Variants in CXADR observed in about 807,000 individuals in gnomAD.
The protein encoded by CXADR is coxsackievirus and adenovirus receptor.
CXADR carries 20 observed loss-of-function variants against 40.3 expected under a neutral mutation model. The observed-to-expected ratio is 0.50, with a 90% confidence interval of 0.35 to 0.72. The LOEUF is 0.72. CXADR is among the 30% of genes least tolerant of loss of function. The pLI is 0.01. For missense variants in CXADR, 332 were observed against 449.1 expected (o/e 0.74, Z 2.36); for synonymous variants, 150 against 161.3 (o/e 0.93, Z 0.53).
intron 1 of CXADR, among the ~76,000 whole-genome samples, chr21:17,533,778 G>A (rs1025928162): frequency 6.6e-6 from 1 of 151,792 alleles, no homozygotes; most frequent in Non-Finnish European, 1.5e-5. Flanking sequence ...ATTTCTCATT[G>A]GGGATAGGGA....
chr21:17,616,280 T>C, the CXADR span, among the ~76,000 whole-genome samples: 1 of 150,254 alleles, frequency 6.7e-6, no homozygotes, highest in South Asian at 2.1e-4. Context: ...AAAAAAACAG[T>C]CTTGGGTACC....
At chr21:17,561,008 A>G (rs2061111210) in intron 5 of CXADR, among the ~76,000 whole-genome samples, 184 bp downstream of exon 5, 1 of 152,208 alleles carries the variant, frequency 6.6e-6, no homozygotes, top group Admixed American at 6.5e-5. Flanking sequence ...TTGCAATGAT[A>G]TATTAAGAAG....
the CXADR span, among the ~76,000 whole-genome samples, chr21:17,632,233 C>A: frequency 1.3e-5 from 2 of 152,116 alleles, no homozygotes; most frequent in Admixed American, 6.5e-5. Flanking sequence ...GTGGACCATT[C>A]GCAGTTGACA....
At chr21:17,553,614 CTTTTT>C (rs10710377) in intron 3 of CXADR, among the ~76,000 whole-genome samples, 1 of 128,288 alleles carries the variant, frequency 7.8e-6, no homozygotes, top group African/African-American at 2.7e-5. Context: ...GGTCCGAATT[CTTTTT>C]TTTTTTTTTT....
At position 17,547,164 on chromosome 21, in the gene CXADR, C is replaced by G; in HGVS notation, c.181C>G (p.Pro61Ala). 6.2e-7 allele frequency: 1 copy of G among 1,614,180 alleles called. No homozygotes were observed. Among genetic ancestry groups the G allele is most frequent in the Non-Finnish European group, 8.5e-7 (1 of 1,180,036 alleles). The change falls in exon 2 of 7, where the codon CCA (proline) becomes GCA (alanine). Residue 61 changes from proline to alanine, a missense_variant. By Grantham distance (27) the Pro-to-Ala change is conservative. Transcript: ENST00000284878. ...GPLDIEWLIS[P>A]ADNQKVDQVI... is the part of the protein sequence containing the mutation. ...GCTGGACATCGAGTGGCTGATATCA[C>G]CAGCTGATAATCAGAAGGTGGATCA...
rs1302700382 is a variant in CXADR at position 17,569,888 on chromosome 21, T to C, written c.*4196T>C. ...CCTAATTGTGAATTTTAGTGATAAA[T>C]ACACCTGTACTACTGAGGAAAATAT... is the stretch of plus-strand genomic sequence containing the variant. On this transcript the variant is annotated 3_prime_UTR_variant, in exon 7 of 7. Coordinates refer to ENST00000284878, the MANE Select transcript of CXADR (RefSeq NM_001338.5). 7 of 985,126 alleles carry C rather than the reference T, an allele frequency of 7.1e-6. No homozygotes were observed. Among genetic ancestry groups the C allele is most frequent in the African/African-American group, 1.7e-5 (1 of 57,226 alleles). 61.0% of individuals were successfully genotyped at this position (985,126 alleles called of 1,614,324 possible). A position where few individuals can be genotyped will look rare whatever the true frequency, so the allele number is the denominator to read the frequency against.
the CXADR span, chr21:17,604,217 C>A: frequency 1.2e-6 from 1 of 810,732 alleles, no homozygotes. Flanking sequence ...CCAAGGCGGG[C>A]GGATCACGAG....
the CXADR span, among the ~76,000 whole-genome samples, chr21:17,632,321 G>C: frequency 8.0e-6 from 1 of 125,740 alleles, no homozygotes; most frequent in Admixed American, 7.6e-5. Flanking sequence ...AAATGTCTGT[G>C]AAAAACAAAG....
intron 3 of CXADR, among the ~76,000 whole-genome samples, chr21:17,555,020 C>G (rs2061016263): frequency 2.0e-5 from 3 of 152,176 alleles, no homozygotes; most frequent in Non-Finnish European, 4.4e-5. Flanking sequence ...CCGTGCCTGC[C>G]TTGCTCTTTC....
At chr21:17,605,109 C>T in the CXADR span, 7 of 1,222,778 alleles carry the variant, frequency 5.7e-6, no homozygotes, top group South Asian at 9.3e-5. Flanking sequence ...AAAAAATACC[C>T]TGGTAGAGAA....
At chr21:17,625,823 A>G in the CXADR span, among the ~76,000 whole-genome samples, 1 of 152,124 alleles carries the variant, frequency 6.6e-6, no homozygotes, top group Non-Finnish European at 1.5e-5. Flanking sequence ...CAGAGTTACT[A>G]TTTCTTCTTT....
rs1569137561 is a variant in CXADR at position 17,565,919 on chromosome 21, T to G, written c.*227T>G. ...TTTACCATCTGAAAAAGCTGGATTT[T>G]CTTTAAGAGGTTGATTATAAAGTTT... On this transcript the variant is annotated 3_prime_UTR_variant, in exon 7 of 7. Coordinates refer to ENST00000284878, the MANE Select transcript of CXADR (RefSeq NM_001338.5). 1.6e-6 allele frequency: 2 copies of G among 1,212,936 alleles called. No homozygotes were observed. The highest frequency in any genetic ancestry group is 3.1e-5 in the African/African-American group (2 of 64,278). 75.1% of individuals were successfully genotyped at this position (1,212,936 alleles called of 1,614,324 possible).
chr21:17,599,356 C>A, the CXADR span, among the ~76,000 whole-genome samples: 20 of 152,088 alleles, frequency 1.3e-4, no homozygotes, highest in South Asian at 3.7e-3. Context: ...AATTTATATA[C>A]ATTTTTAGAG....
chr21:17,628,971 C>G, the CXADR span, among the ~76,000 whole-genome samples: 1 of 152,092 alleles, frequency 6.6e-6, no homozygotes, highest in Non-Finnish European at 1.5e-5. Flanking sequence ...TGATCTCATC[C>G]AAAAACACCC....
intron 3 of CXADR, among the ~76,000 whole-genome samples, chr21:17,557,178 A>G (rs1374963855): frequency 6.6e-6 from 1 of 152,250 alleles, no homozygotes; most frequent in East Asian, 1.9e-4. Context: ...AAGGACAGAT[A>G]CAGATTAAAG....
At chr21:17,526,773 A>G (rs942132476) in intron 1 of CXADR, among the ~76,000 whole-genome samples, 5 of 152,116 alleles carry the variant, frequency 3.3e-5, no homozygotes, top group Admixed American at 3.3e-4. Context: ...TATTTCTTGG[A>G]TATCTTATTT....
chr21:17,628,051 A>G, the CXADR span, among the ~76,000 whole-genome samples: 1 of 152,190 alleles, frequency 6.6e-6, no homozygotes, highest in Non-Finnish European at 1.5e-5. Context: ...TTTTTTGTGC[A>G]CAAACAAATC....
chr21:17,581,297 A>G (rs192902961), intron 7 of CXADR, among the ~76,000 whole-genome samples: 1 of 152,200 alleles, frequency 6.6e-6, no homozygotes, highest in African/African-American at 2.4e-5. Flanking sequence ...GTATGTATAA[A>G]TATATCTTTA....
intron 1 of CXADR, among the ~76,000 whole-genome samples, chr21:17,535,735 G>A (rs865892887): frequency 1.3e-5 from 2 of 152,178 alleles, no homozygotes; most frequent in South Asian, 2.1e-4. Context: ...GGCTGGGCAC[G>A]TTGGCTTACA....
Sources: allele counts gnomAD v4.1 joint callset (sites outside exome capture counted in the v4.1 genomes callset), GRCh38; gene constraint gnomAD v4.1.1; transcripts MANE v1.5; gene names NCBI Gene and HGNC (gene_info 2026-07-23, HGNC 2026-07-21).